The following SAMHD1 variants were observed in gnomAD, a reference collection of about 807,000 sequenced individuals.
The protein encoded by SAMHD1 is SAM and HD domain containing deoxynucleoside triphosphate triphosphohydrolase 1.
In SAMHD1, 54 loss-of-function variants were observed where a neutral mutation model predicts 79.6. The observed-to-expected ratio is 0.68, with a 90% CI of 0.55 to 0.85. SAMHD1 has a LOEUF of 0.85. Ranked by LOEUF, SAMHD1 falls within the 40% of genes least tolerant of loss-of-function variation. SAMHD1 has a pLI of 0.00. For synonymous variants in SAMHD1, 260 were observed against 264.1 expected (o/e 0.98, Z 0.15); for missense variants, 663 against 782.7 (o/e 0.85, Z 1.82).
chr20:36,946,997 C>G lies in SAMHD1; in HGVS notation c.209-193G>C, dbSNP rs1427946859. 3 of 442,228 alleles carry G rather than the reference C, an allele frequency of 6.8e-6. No homozygotes were observed. The Admixed American group carries it at 1.2e-4, about 17-fold the overall frequency. 27.4% of individuals were successfully genotyped at this position (442,228 alleles called of 1,614,324 possible). On this transcript the variant is annotated intron_variant, in intron 1 of 15. Coordinates refer to ENST00000646673, the MANE Select transcript of SAMHD1 (RefSeq NM_015474.4). ...TTAATTAAATAACTAAACCAAGAAG[C>G]ATTTTTTGATAAATCACGTGAAAAT...
At chr20:36,939,724 T>C (rs2063628984) in intron 3 of SAMHD1, among the ~76,000 whole-genome samples, 1 of 152,080 alleles carries the variant, frequency 6.6e-6, no homozygotes, top group South Asian at 2.1e-4. Context: ...AAGTGAAAAA[T>C]GCAAATGATG....
rs983544539 is a variant in SAMHD1, at chr20:36,911,215, T to C, written c.1270+3A>G. The C allele has an allele frequency of 5.0e-6, 8 of 1,595,160 alleles. No individual in the cohort carries two copies. Among genetic ancestry groups the C allele is most frequent in the Middle Eastern group, 1.7e-4 (1 of 6,024 alleles). ...ACCATCTATGTTACCTGTTACTTCT[T>C]ACCTGTCAGCTTAGTATAGGCTTCC... On this transcript the variant is annotated splice_donor_region_variant and intron_variant, in intron 11 of 15. Coordinates refer to ENST00000646673, the MANE Select transcript of SAMHD1 (RefSeq NM_015474.4).
intron 7 of SAMHD1, among the ~76,000 whole-genome samples, chr20:36,918,533 G>A (rs927823809): frequency 7.3e-5 from 11 of 151,382 alleles, no homozygotes; most frequent in East Asian, 1.9e-4. Context: ...GCGCGGTGGC[G>A]GCTCACGCTT....
intron 6 of SAMHD1, among the ~76,000 whole-genome samples, chr20:36,921,728 G>C (rs1424532129): frequency 1.4e-5 from 2 of 141,924 alleles, no homozygotes; most frequent in Non-Finnish European, 3.1e-5. Context: ...CCCTCTTGTT[G>C]CCCAGGCTGG....
rs757149788 is a variant in SAMHD1, at chr20:36,911,360, G to A, written c.1155-27C>T. On this transcript the variant is annotated intron_variant, in intron 10 of 15. Transcript: ENST00000646673. ...TAAAAATCATTTTGCAAAAATTTAT[G>A]TTTATGAGAAATTTTGAATATTTGC... The A allele has an allele frequency of 7.7e-6, 11 of 1,422,106 alleles. No homozygotes were observed. In the East Asian group the frequency reaches 2.5e-4, roughly 32 times the overall value. The allele number at this position is 1,422,106 out of a possible 1,614,324, so 88.1% of individuals were successfully genotyped here.
intron 11 of SAMHD1, among the ~76,000 whole-genome samples, chr20:36,905,841 C>T (rs1478847450): frequency 4.0e-5 from 6 of 151,776 alleles, no homozygotes; most frequent in East Asian, 1.9e-4. Flanking sequence ...GGTGTAGTGG[C>T]GGGCGCCTGT....
At chr20:36,921,308 G>T (rs186210492) in intron 6 of SAMHD1, among the ~76,000 whole-genome samples, 2 of 140,348 alleles carry the variant, frequency 1.4e-5, no homozygotes, top group Non-Finnish European at 3.0e-5. Flanking sequence ...CAGGAGAAAC[G>T]CTTGAACTCG....
At position 36,905,374 on chromosome 20, in the gene SAMHD1, T is replaced by C. The variant is rs367607383; in HGVS notation, c.1400A>G (p.Lys467Arg). Residue 467 changes from lysine to arginine, a missense_variant, in exon 12 of 16, where the codon AAG becomes AGG. Coordinates refer to ENST00000646673, the MANE Select transcript of SAMHD1 (RefSeq NM_015474.4). ...VGETQPTGQIKIKREDYESLP... is the reference protein window; with the variant it reads ...VGETQPTGQIRIKREDYESLP... ...TGCCTGATAACTCACCCTTTTAATC[T>C]TTATTTGTCCTGTTGGCTGCGTCTC... is the stretch of plus-strand genomic sequence containing the variant. The C allele has an allele frequency of 6.2e-7, 1 of 1,614,110 alleles. No individual in the cohort carries two copies. The highest frequency in any genetic ancestry group is 1.1e-5 in the South Asian group (1 of 91,084).
intron 1 of SAMHD1, among the ~76,000 whole-genome samples, chr20:36,947,271 A>G (rs911831399): frequency 2.6e-5 from 4 of 151,752 alleles, no homozygotes; most frequent in African/African-American, 7.3e-5. Flanking sequence ...ATTTTTCTCA[A>G]ACCTCCTGGG....
intron 15 of SAMHD1, among the ~76,000 whole-genome samples, chr20:36,896,231 CA>C (rs1990196153): frequency 6.6e-6 from 1 of 151,848 alleles, no homozygotes; most frequent in East Asian, 2.0e-4. Flanking sequence ...CTCGGCCTCC[CA>C]AAAGTGCTGG....
Position 36,898,409 on chromosome 20 carries a change from T to G in SAMHD1, c.1608+31A>C. The stretch of plus-strand genomic sequence containing the variant: ...ACTATAAAGATTTGCTACATGCCAC[T>G]ATAGTATATTTGTTTTGCCTAAGTA... On this transcript the variant is annotated intron_variant, in intron 14 of 15. Coordinates refer to ENST00000646673, the MANE Select transcript of SAMHD1 (RefSeq NM_015474.4). 2 of 1,466,760 alleles carry G rather than the reference T, an allele frequency of 1.4e-6. 1 individual carries two copies. Among genetic ancestry groups the G allele is most frequent in the Non-Finnish European group, 1.9e-6 (2 of 1,045,776 alleles). 90.9% of individuals were successfully genotyped at this position (1,466,760 alleles called of 1,614,324 possible). A position where few individuals can be genotyped will look rare whatever the true frequency, so the allele number is the denominator to read the frequency against.
intron 11 of SAMHD1, among the ~76,000 whole-genome samples, chr20:36,907,648 T>C (rs995054852): frequency 2.0e-5 from 3 of 150,546 alleles, no homozygotes; most frequent in African/African-American, 7.3e-5. Context: ...CAAATGATTC[T>C]CCTGCCTCAG....
intron 1 of SAMHD1, chr20:36,947,086 G>A (rs1461676995): frequency 3.3e-5 from 11 of 337,944 alleles, no homozygotes; most frequent in Non-Finnish European, 6.1e-5. Context: ...AGTGAAACCC[G>A]ACTACCTGTT....
At chr20:36,935,460 C>T (rs1434582925) in intron 3 of SAMHD1, 1 of 446,350 alleles carries the variant, frequency 2.2e-6, no homozygotes, top group African/African-American at 2.0e-5. Flanking sequence ...ATGTATATGA[C>T]TTAGTCTTTA....
At chr20:36,912,885 C>CTTTTTTTTTTT (rs1374227156) in intron 9 of SAMHD1, among the ~76,000 whole-genome samples, 1 of 8,142 alleles carries the variant, frequency 1.2e-4, no homozygotes, top group African/African-American at 4.2e-4. Flanking sequence ...AACTTTCATT[C>CTTTTTTTTTTT]TTTGTTTTTT....
At chr20:36,935,690 C>T (rs543974408) in intron 3 of SAMHD1, among the ~76,000 whole-genome samples, 2 of 152,058 alleles carry the variant, frequency 1.3e-5, no homozygotes, top group South Asian at 4.2e-4. Flanking sequence ...CCTGCCTCAG[C>T]CTCCTGAGTA....
At chr20:36,902,947 C>T (rs954066863) in intron 13 of SAMHD1, among the ~76,000 whole-genome samples, 2 of 152,028 alleles carry the variant, frequency 1.3e-5, no homozygotes, top group South Asian at 2.1e-4. Flanking sequence ...CCGTGTTGGG[C>T]AGGATGGTCT....
chr20:36,907,192 A>T (rs1448665365), intron 11 of SAMHD1, among the ~76,000 whole-genome samples: 1 of 151,610 alleles, frequency 6.6e-6, no homozygotes, highest in African/African-American at 2.4e-5. Flanking sequence ...CCTGTGCTCA[A>T]GCAATCCTCC....
At chr20:36,908,402 G>A (rs2063417718) in intron 11 of SAMHD1, among the ~76,000 whole-genome samples, 1 of 151,508 alleles carries the variant, frequency 6.6e-6, no homozygotes, top group South Asian at 2.1e-4. Flanking sequence ...CACCACCAGG[G>A]CTAATTTTTA....
Sources: gnomAD v4.1 joint callset for allele counts (sites outside exome capture counted in the v4.1 genomes callset) on GRCh38, gnomAD v4.1.1 for gene constraint, MANE v1.5 for transcripts, NCBI Gene and HGNC (gene_info 2026-07-23, HGNC 2026-07-21) for gene names.